Variants in CLVS1 observed in about 807,000 individuals in gnomAD.
CLVS1 encodes clavesin-1.
A neutral mutation model predicts 33.1 loss-of-function variants in CLVS1; 10 were observed. That is an observed-to-expected ratio of 0.30 (90% confidence interval 0.19 to 0.51). The LOEUF is 0.51. Ranked by LOEUF, CLVS1 falls within the 20% of genes least tolerant of loss-of-function variation. The probability of loss-of-function intolerance (pLI) is 0.97; values close to 1 mark genes in which losing one functional copy is unlikely to be tolerated. For missense variants in CLVS1, 343 were observed against 433.4 expected (o/e 0.79, Z 1.85); for synonymous variants, 163 against 166.1 (o/e 0.98, Z 0.14).
Position 61,500,447 on chromosome 8 carries a change from G to A in CLVS1, c.*905G>A, listed in dbSNP as rs2129609187. ...CTCCTGCAACCATTAAAGATGTGGAGAAAGACCATGGTTGTTGCTGAGAGG... is the reference window on the plus strand; with the variant it reads ...CTCCTGCAACCATTAAAGATGTGGAAAAAGACCATGGTTGTTGCTGAGAGG... On this transcript the variant is annotated 3_prime_UTR_variant, in exon 6 of 6. Coordinates refer to ENST00000325897, the MANE Select transcript of CLVS1 (RefSeq NM_173519.3). The A allele has an allele frequency of 6.6e-6, 1 of 152,228 alleles. No homozygotes were observed. The highest frequency in any genetic ancestry group is 2.1e-4 in the South Asian group (1 of 4,820). The allele number at this position is 152,228 out of a possible 1,614,324, so 9.4% of individuals were successfully genotyped here.
intron 1 of CLVS1, among the ~76,000 whole-genome samples, chr8:61,298,134 G>A (rs1563483316): frequency 6.6e-6 from 1 of 151,738 alleles, no homozygotes; most frequent in Non-Finnish European, 1.5e-5. Context: ...GTGTAGGGAA[G>A]AACTGGAGAA....
intron 3 of CLVS1, among the ~76,000 whole-genome samples, chr8:61,425,402 A>G (rs1235997652): frequency 6.6e-6 from 1 of 152,066 alleles, no homozygotes; most frequent in Non-Finnish European, 1.5e-5. Flanking sequence ...AATGTATCTC[A>G]TCAATATGTA....
chr8:61,064,623 C>G (rs1210652027), intron 1 of CLVS1, among the ~76,000 whole-genome samples: 2 of 151,246 alleles, frequency 1.3e-5, no homozygotes, highest in African/African-American at 4.9e-5. Flanking sequence ...TCACTGCAAC[C>G]TCTGCCCTGT....
At position 61,341,126 on chromosome 8, in the gene CLVS1, G is replaced by A. The variant is rs553990515; in HGVS notation, c.456-35479G>A. On this transcript the variant is annotated intron_variant, in intron 2 of 5. Coordinates refer to ENST00000325897, the MANE Select transcript of CLVS1 (RefSeq NM_173519.3). ...CACTGAAAAGAATAAATTATGCCTCGTAGGGAAACAATAGAAAATATCTCC... is the reference window on the plus strand; with the variant it reads ...CACTGAAAAGAATAAATTATGCCTCATAGGGAAACAATAGAAAATATCTCC... Among the ~76,000 whole-genome samples the A allele has an allele frequency of 4.6e-5, 7 of 152,264 alleles. No homozygotes were observed. In the East Asian group the frequency reaches 1.4e-3, roughly 29 times the overall value.
intron 2 of CLVS1, among the ~76,000 whole-genome samples, chr8:61,311,889 A>G (rs1810844204): frequency 6.6e-6 from 1 of 152,224 alleles, no homozygotes; most frequent in South Asian, 2.1e-4. Flanking sequence ...ATCCAGGAGC[A>G]TGACCTATGT....
At chr8:61,247,478 TA>T (rs1213858896) in intron 2 of CLVS1, among the ~76,000 whole-genome samples, 1 of 152,202 alleles carries the variant, frequency 6.6e-6, no homozygotes, top group African/African-American at 2.4e-5. Flanking sequence ...TTTGACTTTT[TA>T]ATAATAGCCG....
chr8:61,260,108 A>G (rs1035442288), intron 2 of CLVS1, among the ~76,000 whole-genome samples: 1 of 152,048 alleles, frequency 6.6e-6, no homozygotes, highest in Non-Finnish European at 1.5e-5. Flanking sequence ...CCGTCATGTA[A>G]CGTAGGATGG....
chr8:61,384,530 G>A (rs1814007815), intron 3 of CLVS1, among the ~76,000 whole-genome samples: 2 of 152,182 alleles, frequency 1.3e-5, no homozygotes, highest in Non-Finnish European at 2.9e-5. Context: ...GAGGAGTTAA[G>A]GATGAAGGTC....
chr8:61,235,431 C>T (rs755813781), intron 2 of CLVS1, among the ~76,000 whole-genome samples: 1 of 152,176 alleles, frequency 6.6e-6, no homozygotes, highest in Non-Finnish European at 1.5e-5. Flanking sequence ...TCAATAACTA[C>T]AAATAACTAC....
chr8:61,479,868 G>T (rs1278356663), intron 5 of CLVS1, among the ~76,000 whole-genome samples: 4 of 152,180 alleles, frequency 2.6e-5, no homozygotes, highest in Non-Finnish European at 5.9e-5. Flanking sequence ...TGTTTGCCTG[G>T]GTATCAGCAG....
At chr8:61,430,406 G>A (rs1211653418) in intron 3 of CLVS1, among the ~76,000 whole-genome samples, 1 of 152,156 alleles carries the variant, frequency 6.6e-6, no homozygotes, top group African/African-American at 2.4e-5. Flanking sequence ...GCAGAAAGAG[G>A]TATATGAGAT....
chr8:61,365,773 G>GTGTA (rs767477695), intron 2 of CLVS1, among the ~76,000 whole-genome samples: 23 of 134,928 alleles, frequency 1.7e-4, no homozygotes, highest in Non-Finnish European at 3.2e-4. Context: ...GTGTGTGTGT[G>GTGTA]TGCGTGTGTG....
intron 1 of CLVS1, among the ~76,000 whole-genome samples, chr8:61,293,356 T>G (rs1346464321): frequency 6.6e-6 from 1 of 152,160 alleles, no homozygotes; most frequent in Non-Finnish European, 1.5e-5. Flanking sequence ...CTGATGTTCC[T>G]TAGCCAGTAC....
chr8:61,341,107 A>G (rs1219025322), intron 2 of CLVS1, among the ~76,000 whole-genome samples: 2 of 152,232 alleles, frequency 1.3e-5, no homozygotes, highest in Non-Finnish European at 2.9e-5. Flanking sequence ...AATGCACTGA[A>G]AAGAATAAAT....
intron 2 of CLVS1, among the ~76,000 whole-genome samples, chr8:61,235,754 G>A (rs1397569858): frequency 6.6e-6 from 1 of 152,166 alleles, no homozygotes; most frequent in African/African-American, 2.4e-5. Context: ...ATATATGAAT[G>A]CCTTGTTCCC....
chr8:61,224,461 A>G (rs149339305), intron 2 of CLVS1, among the ~76,000 whole-genome samples: 1 of 152,208 alleles, frequency 6.6e-6, no homozygotes, highest in African/African-American at 2.4e-5. Context: ...CTGGGGGTTC[A>G]CTTCAGGCCC....
chr8:61,101,996 C>G (rs541459615), intron 1 of CLVS1, among the ~76,000 whole-genome samples: 8 of 152,196 alleles, frequency 5.3e-5, no homozygotes, highest in African/African-American at 1.9e-4. Flanking sequence ...ATTAATGTAG[C>G]TTTGTAATAA....
intron 2 of CLVS1, among the ~76,000 whole-genome samples, chr8:61,339,517 G>A (rs189308810): frequency 3.2e-4 from 48 of 152,294 alleles, no homozygotes; most frequent in Admixed American, 1.6e-3. Flanking sequence ...GTCTTTGAAG[G>A]TCACCCATGT....
chr8:61,260,675 G>T (rs1408185329), intron 2 of CLVS1, among the ~76,000 whole-genome samples: 1 of 152,180 alleles, frequency 6.6e-6, no homozygotes, highest in Non-Finnish European at 1.5e-5. Flanking sequence ...AAAGAAAAGT[G>T]GTCCTGCCTG....
Sources: gnomAD v4.1 joint callset for allele counts (sites outside exome capture counted in the v4.1 genomes callset) on GRCh38, gnomAD v4.1.1 for gene constraint, MANE v1.5 for transcripts, NCBI Gene and HGNC (gene_info 2026-07-23, HGNC 2026-07-21) for gene names.